PPFIA1: variants seen among roughly 807,000 people sequenced by gnomAD.
PPFIA1 encodes the protein liprin-alpha-1.
A neutral mutation model predicts 149.9 loss-of-function variants in PPFIA1; 25 were observed. That is an observed-to-expected ratio of 0.17 (90% CI 0.12 to 0.23). The LOEUF (loss-of-function observed/expected upper bound fraction) is 0.23. Among genes scored for constraint, PPFIA1 ranks in the 10% least tolerant of loss-of-function variants. The pLI is 1.00. For synonymous variants in PPFIA1, 549 were observed against 552.8 expected (o/e 0.99, Z 0.10); for missense variants, 1,362 against 1,506.5 (o/e 0.90, Z 1.59).
At chr11:70,309,030 T>C (rs2053075997) in intron 2 of PPFIA1, among the ~76,000 whole-genome samples, 1 of 152,214 alleles carries the variant, frequency 6.6e-6, no homozygotes, top group African/African-American at 2.4e-5. Context: ...GGTTTGATTC[T>C]GCCCCTCCCC....
At chr11:70,377,870 C>G (rs2057549700) in intron 25 of PPFIA1, among the ~76,000 whole-genome samples, 160 bp from the exon 26 acceptor site, 1 of 152,096 alleles carries the variant, frequency 6.6e-6, no homozygotes, top group African/African-American at 2.4e-5. Flanking sequence ...GCTGAAGTTC[C>G]AGGTTGGGCA....
intron 23 of PPFIA1, among the ~76,000 whole-genome samples, chr11:70,373,046 C>T (rs1591383388): frequency 6.6e-6 from 1 of 152,186 alleles, no homozygotes; most frequent in Non-Finnish European, 1.5e-5. Flanking sequence ...TTCAGCTGGT[C>T]CTTGAAGAAG....
At chr11:70,281,283 G>C (rs937796099) in intron 2 of PPFIA1, among the ~76,000 whole-genome samples, 1 of 152,190 alleles carries the variant, frequency 6.6e-6, no homozygotes, top group African/African-American at 2.4e-5. Flanking sequence ...AGTAGGGACA[G>C]ATCATCTCAG....
chr11:70,357,299 G>T (rs542199241), intron 19 of PPFIA1, among the ~76,000 whole-genome samples: 2 of 152,220 alleles, frequency 1.3e-5, no homozygotes, highest in South Asian at 4.2e-4. Flanking sequence ...GGAAATTGGG[G>T]CCCAAAGATG....
chr11:70,313,735 C>A (rs780540104), intron 2 of PPFIA1, among the ~76,000 whole-genome samples: 1 of 152,096 alleles, frequency 6.6e-6, no homozygotes, highest in African/African-American at 2.4e-5. Flanking sequence ...TCAGTGTGGA[C>A]AAAGGTTTTT....
At chr11:70,300,424 C>A (rs1004360644) in intron 2 of PPFIA1, among the ~76,000 whole-genome samples, 1 of 152,104 alleles carries the variant, frequency 6.6e-6, no homozygotes, top group African/African-American at 2.4e-5. Flanking sequence ...GGCTGGAGTA[C>A]AGTGGCCCGA....
intron 2 of PPFIA1, among the ~76,000 whole-genome samples, chr11:70,278,151 T>C (rs924601148): frequency 6.6e-6 from 1 of 151,948 alleles, no homozygotes; most frequent in African/African-American, 2.4e-5. Flanking sequence ...CCTGGTGATC[T>C]GCCCTCGTCA....
intron 2 of PPFIA1, chr11:70,278,998 A>G: frequency 3.5e-6 from 2 of 563,520 alleles, no homozygotes; most frequent in Non-Finnish European, 6.8e-6. Flanking sequence ...GTAGACTTGA[A>G]GAGAGAGCCC....
At chr11:70,358,893 T>C (rs1332081219) in intron 19 of PPFIA1, among the ~76,000 whole-genome samples, 4 of 152,200 alleles carry the variant, frequency 2.6e-5, no homozygotes, top group African/African-American at 7.2e-5. Context: ...CACAGCACTT[T>C]TAGAATTCCC....
intron 18 of PPFIA1, 99 bp downstream of exon 18, chr11:70,355,910 G>T: frequency 6.9e-7 from 1 of 1,440,184 alleles, no homozygotes; most frequent in South Asian, 1.3e-5. Context: ...CAGGAGCCGT[G>T]TGCTCTCCAG....
intron 2 of PPFIA1, among the ~76,000 whole-genome samples, chr11:70,295,888 G>T (rs1347010621): frequency 4.6e-5 from 7 of 151,826 alleles, no homozygotes; most frequent in African/African-American, 1.7e-4. Context: ...TCTCAGACGG[G>T]GCGGCTGCCG....
At chr11:70,295,742 C>T (rs981217993) in intron 2 of PPFIA1, among the ~76,000 whole-genome samples, 15 of 150,992 alleles carry the variant, frequency 9.9e-5, no homozygotes, top group Non-Finnish European at 1.6e-4. Context: ...GGGGCTGACC[C>T]CCCCACCTCC....
chr11:70,284,825 G>C (rs1344600958), intron 2 of PPFIA1, among the ~76,000 whole-genome samples: 1 of 152,070 alleles, frequency 6.6e-6, no homozygotes, highest in Non-Finnish European at 1.5e-5. Flanking sequence ...TTGGCCTGGA[G>C]GGAAGGGAAG....
intron 15 of PPFIA1, among the ~76,000 whole-genome samples, chr11:70,344,392 C>A (rs894413970): frequency 3.9e-5 from 6 of 152,218 alleles, no homozygotes; most frequent in African/African-American, 1.4e-4. Context: ...AGGCCAGTGC[C>A]ACTCACCAGA....
In PPFIA1 at chr11:70,376,580, A is replaced by T. The variant is rs756659057; in HGVS notation, c.3364A>T (p.Thr1122Ser). ...ATTTAACAACCTTTTGGTCATGGGG[A>T]CTGATAGAAGGTTTGATGAAGTAAG... The part of the protein sequence containing the change: ...REFNNLLVMG[T>S]DRRFDEDDDK... The change falls in exon 25 of 28, where the codon ACT (threonine) becomes TCT (serine). Residue 1122 changes from threonine (T) to serine (S), a missense_variant. This residue lies in a region of PPFIA1 where 349 missense variants were observed against 373.3 expected (regional missense o/e 0.93). Transcript: ENST00000253925. 6.2e-7 allele frequency: 1 copy of T among 1,613,738 alleles called. No homozygotes were observed. Among genetic ancestry groups the T allele is most frequent in the South Asian group, 1.1e-5 (1 of 91,078 alleles).
intron 25 of PPFIA1, among the ~76,000 whole-genome samples, 171 bp from the exon 26 acceptor site, chr11:70,377,859 C>T (rs779400022): frequency 1.3e-5 from 2 of 152,136 alleles, no homozygotes; most frequent in Non-Finnish European, 1.5e-5. Context: ...CCCCGTTTCA[C>T]GCTGAAGTTC....
intron 2 of PPFIA1, among the ~76,000 whole-genome samples, chr11:70,316,263 G>T (rs2053621528): frequency 6.6e-6 from 1 of 152,046 alleles, no homozygotes; most frequent in Non-Finnish European, 1.5e-5. Context: ...GTAGAGACGA[G>T]GTTTTGCCAT....
chr11:70,323,631 G>A (rs1367526234), intron 2 of PPFIA1, among the ~76,000 whole-genome samples: 1 of 152,186 alleles, frequency 6.6e-6, no homozygotes, highest in Non-Finnish European at 1.5e-5. Flanking sequence ...ACAGACTCTG[G>A]CCTTTCTTAC....
chr11:70,325,377 A>G, intron 4 of PPFIA1, 123 bp from the exon 5 acceptor site: 1 of 515,258 alleles, frequency 1.9e-6, no homozygotes, highest in Non-Finnish European at 3.3e-6. Context: ...CATTAATGGT[A>G]TTTTATTATG....
Sources: gnomAD v4.1 joint callset for allele counts (sites outside exome capture counted in the v4.1 genomes callset) on GRCh38, gnomAD v4.1.1 for gene constraint, gnomAD v4.1.1 regional missense constraint, MANE v1.5 for transcripts, NCBI Gene and HGNC (gene_info 2026-07-23, HGNC 2026-07-21) for gene names.